Variants in OPRM1 observed in about 807,000 individuals in gnomAD.
OPRM1 encodes the protein mu-type opioid receptor.
Under a neutral mutation model 31.8 loss-of-function variants are expected in OPRM1, and 27 were observed. That is an observed-to-expected ratio of 0.85 (90% CI 0.63 to 1.17). The LOEUF is 1.17. Ranked by LOEUF, OPRM1 falls within the 50% of genes most tolerant of loss-of-function variation. The pLI is 0.00. For missense variants in OPRM1, 536 were observed against 511.1 expected (o/e 1.05, Z -0.47); for synonymous variants, 196 against 189.9 (o/e 1.03, Z -0.26).
At position 154,121,226 on chromosome 6, in the gene OPRM1, GTTTCTT is replaced by G. The variant is rs1797281221; in HGVS notation, c.*2507_*2512del. ...ACTGTAGCTATGGGGCGGAAGCTTTGTTTCTTTACCTGATCACTTGCTGTGGAAATT... is the reference window on the plus strand; with the variant it reads ...ACTGTAGCTATGGGGCGGAAGCTTTGTACCTGATCACTTGCTGTGGAAATT... On this transcript the variant is annotated 3_prime_UTR_variant, in exon 4 of 4. Coordinates refer to ENST00000330432, the MANE Select transcript of OPRM1 (RefSeq NM_000914.5). 6.6e-6 allele frequency among the ~76,000 whole-genome samples: 1 copy of G among 152,162 alleles called. No individual in the cohort carries two copies. Among genetic ancestry groups the G allele is most frequent in the Non-Finnish European group, 1.5e-5 (1 of 68,004 alleles).
At chr6:154,115,783 CA>C (rs1374799882) in intron 3 of OPRM1, among the ~76,000 whole-genome samples, 1 of 152,194 alleles carries the variant, frequency 6.6e-6, no homozygotes, top group African/African-American at 2.4e-5. Flanking sequence ...TTGATCTCCA[CA>C]AAGGAATCTG....
chr6:154,043,401 G>C (rs1780464531), intron 1 of OPRM1, among the ~76,000 whole-genome samples: 1 of 151,910 alleles, frequency 6.6e-6, no homozygotes. Context: ...TTTGATTCAG[G>C]TTTAAATTTA....
upstream of OPRM1, chr6:154,039,191 G>A (rs992296303): frequency 1.3e-6 from 2 of 1,551,678 alleles, no homozygotes; most frequent in Admixed American, 3.9e-5. Flanking sequence ...GCCCAGTGAA[G>A]AGACCTACTC....
chr6:154,160,658 T>G (rs779006543), intron 3 of OPRM1, among the ~76,000 whole-genome samples: 1 of 152,176 alleles, frequency 6.6e-6, no homozygotes, highest in Non-Finnish European at 1.5e-5. Flanking sequence ...CTGTAACCAA[T>G]GGCACACATT....
rs1797538197 is a variant in OPRM1, at chr6:154,125,520, G to A, written c.*6799G>A. On this transcript the variant is annotated 3_prime_UTR_variant, in exon 4 of 4. Transcript: ENST00000330432. ...ATTTGTTTTAGGTTTTAGAGAGAGA[G>A]CACAGAGTCCCTTTGAGACAGTGGG... is the stretch of plus-strand genomic sequence containing the variant. 6.6e-6 allele frequency among the ~76,000 whole-genome samples: 1 copy of A among 152,156 alleles called. No individual in the cohort carries two copies. The highest frequency in any genetic ancestry group is 6.5e-5 in the Admixed American group (1 of 15,270).
chr6:154,152,031 G>A (rs542932374), intron 3 of OPRM1, among the ~76,000 whole-genome samples: 23 of 151,792 alleles, frequency 1.5e-4, no homozygotes, highest in African/African-American at 5.3e-4. Flanking sequence ...AGAAAAGTTA[G>A]CCGGGTATGG....
Position 154,120,473 on chromosome 6 carries a change from A to G in OPRM1, c.*1752A>G, listed in dbSNP as rs1482277131. On this transcript the variant is annotated 3_prime_UTR_variant, in exon 4 of 4. Transcript: ENST00000330432. ...CCATTTCTCAAATATTATGTTCCAT[A>G]ATAGACATACATTATGTTTAATTTT... Among the ~76,000 whole-genome samples the G allele has an allele frequency of 6.6e-6, 1 of 152,178 alleles. No individual in the cohort carries two copies. Among genetic ancestry groups the G allele is most frequent in the Middle Eastern group, 3.2e-3 (1 of 316 alleles).
At chr6:154,099,958 ATT>A (rs1231821775) in intron 3 of OPRM1, among the ~76,000 whole-genome samples, 1 of 141,858 alleles carries the variant, frequency 7.0e-6, no homozygotes, top group Non-Finnish European at 1.5e-5. Flanking sequence ...TAACATATAT[ATT>A]ATCATATTAC....
chr6:154,046,507 C>T (rs562886562), intron 1 of OPRM1, among the ~76,000 whole-genome samples: 5 of 152,232 alleles, frequency 3.3e-5, no homozygotes, highest in South Asian at 4.2e-4. Flanking sequence ...TATATAGTAA[C>T]GTTAAGAGTA....
chr6:154,091,176 G>A lies in OPRM1; in HGVS notation c.868G>A (p.Val290Met), dbSNP rs376725129. 18 of 1,614,052 alleles carry A rather than the reference G, an allele frequency of 1.1e-5. No individual in the cohort carries two copies. The African/African-American group carries it at 2.1e-4, about 19-fold the overall frequency. Residue 290 changes from valine (V) to methionine (M), a missense_variant, in exon 3 of 4, where the codon GTG (valine) becomes ATG (methionine). By Grantham distance (21) the Val-to-Met change is conservative. Transcript: ENST00000330432. ...ITRMVLVVVA[V>M]FIVCWTPIHI... ...CAGGATGGTGCTGGTGGTGGTGGCT[G>A]TGTTCATCGTCTGCTGGACTCCCAT...
intron 3 of OPRM1, among the ~76,000 whole-genome samples, chr6:154,164,023 T>C (rs1355287994): frequency 6.6e-6 from 1 of 152,212 alleles, no homozygotes; most frequent in South Asian, 2.1e-4. Flanking sequence ...CAAAACAACT[T>C]TTCCAAAACA....
intron 3 of OPRM1, chr6:154,159,193 A>T (rs1798832353): frequency 6.5e-6 from 1 of 152,714 alleles, no homozygotes; most frequent in Non-Finnish European, 1.5e-5. Flanking sequence ...AAGTGTGAAA[A>T]CACCAAGCTG....
chr6:154,100,499 T>G (rs971287847), intron 3 of OPRM1, among the ~76,000 whole-genome samples: 1 of 151,670 alleles, frequency 6.6e-6, no homozygotes, highest in Non-Finnish European at 1.5e-5. Context: ...TAGAAACACA[T>G]GCAAAGAAAT....
chr6:154,117,852 A>G (rs959222393), intron 3 of OPRM1, among the ~76,000 whole-genome samples: 1 of 52,050 alleles, frequency 1.9e-5, no homozygotes, highest in Non-Finnish European at 4.3e-5. Context: ...AATGGCTTAA[A>G]AAGATGGTGT....
chr6:154,036,993 A>T (rs191238805), upstream of OPRM1, among the ~76,000 whole-genome samples: 2 of 152,018 alleles, frequency 1.3e-5, no homozygotes, highest in East Asian at 1.9e-4. Flanking sequence ...AATAAAGTAT[A>T]TTAAAAAATG....
At chr6:154,233,894 G>A (rs1185733896) in intron 3 of OPRM1, among the ~76,000 whole-genome samples, 1 of 152,132 alleles carries the variant, frequency 6.6e-6, no homozygotes, top group Non-Finnish European at 1.5e-5. Flanking sequence ...AACCAGCAAC[G>A]AATGGGTCTT....
chr6:154,210,843 A>T (rs999658762), intron 3 of OPRM1, among the ~76,000 whole-genome samples: 2 of 152,302 alleles, frequency 1.3e-5, no homozygotes, highest in South Asian at 4.1e-4. Flanking sequence ...ATAAACATTT[A>T]TTCAACAATA....
intron 3 of OPRM1, among the ~76,000 whole-genome samples, chr6:154,222,663 G>T (rs749609783): frequency 6.6e-6 from 1 of 151,914 alleles, no homozygotes; most frequent in Non-Finnish European, 1.5e-5. Flanking sequence ...AATTTTTTTT[G>T]GTCCCTGTCA....
chr6:154,119,417 C>T lies in OPRM1; in HGVS notation c.*696C>T. 1 of 985,368 alleles carries T rather than the reference C, an allele frequency of 1.0e-6. No individual in the cohort carries two copies. Among genetic ancestry groups the T allele is most frequent in the Non-Finnish European group, 1.2e-6 (1 of 829,886 alleles). 61.0% of individuals were successfully genotyped at this position (985,368 alleles called of 1,614,324 possible). A position where few individuals can be genotyped will look rare whatever the true frequency, so the allele number is the denominator to read the frequency against. On this transcript the variant is annotated 3_prime_UTR_variant, in exon 4 of 4. Transcript: ENST00000330432. Reference sequence around the variant, plus strand: ...ACTGCAAATACTTCCAAAGAGTCATCATGGGGGATTTTTCATTCTTAGGCT... The same window carrying T: ...ACTGCAAATACTTCCAAAGAGTCATTATGGGGGATTTTTCATTCTTAGGCT...
Sources: allele counts gnomAD v4.1 joint callset (sites outside exome capture counted in the v4.1 genomes callset), GRCh38; gene constraint gnomAD v4.1.1; transcripts MANE v1.5; gene names NCBI Gene and HGNC (gene_info 2026-07-23, HGNC 2026-07-21).